RORA: variants seen among roughly 807,000 people sequenced by gnomAD.
RORA encodes the protein nuclear receptor ROR-alpha.
Under a neutral mutation model 69.5 loss-of-function variants are expected in RORA, and 7 were observed. The ratio of observed to expected loss-of-function variants is 0.10; its 90% CI spans 0.06 to 0.19. RORA has a LOEUF of 0.19. RORA is among the 10% of genes least tolerant of loss of function. RORA has a pLI of 1.00. For synonymous variants in RORA, 261 were observed against 240.8 expected, an observed-to-expected ratio of 1.08 and a Z score of -0.78; for missense variants, 457 against 663.0, an observed-to-expected ratio of 0.69 and a Z score of 3.41.
chr15:60,873,055 T>C (rs562957615), intron 1 of RORA, among the ~76,000 whole-genome samples: 3 of 152,242 alleles, frequency 2.0e-5, no homozygotes, highest in African/African-American at 7.2e-5. Flanking sequence ...AAGTGCCGAG[T>C]CTATAAAGAT....
intron 1 of RORA, among the ~76,000 whole-genome samples, chr15:61,138,445 C>T (rs1052190081): frequency 6.6e-6 from 1 of 152,164 alleles, no homozygotes; most frequent in Non-Finnish European, 1.5e-5. Context: ...TGTTGGCCGT[C>T]ATTACTCCCC....
intron 1 of RORA, among the ~76,000 whole-genome samples, chr15:60,713,146 T>A (rs12324871): frequency 0.33 from 50,068 of 152,082 alleles, 8,741 homozygotes; most frequent in African/African-American, 0.41. Flanking sequence ...TAATATAATC[T>A]TCTTCCAAAA....
intron 1 of RORA, among the ~76,000 whole-genome samples, chr15:60,915,771 C>T (rs1238969879): frequency 6.6e-6 from 1 of 152,112 alleles, no homozygotes; most frequent in Admixed American, 6.5e-5. Context: ...CTAGCTCGCT[C>T]GAATGTGGGT....
chr15:60,551,730 T>C (rs558232607), intron 2 of RORA, among the ~76,000 whole-genome samples: 1 of 152,302 alleles, frequency 6.6e-6, no homozygotes, highest in South Asian at 2.1e-4. Context: ...GCCAGGTCCA[T>C]AAAGACCTCT....
At chr15:60,892,676 C>T (rs944647384) in intron 1 of RORA, among the ~76,000 whole-genome samples, 4 of 152,154 alleles carry the variant, frequency 2.6e-5, no homozygotes, top group African/African-American at 7.2e-5. Flanking sequence ...CCAACTTCAT[C>T]CTTCACTCCT....
chr15:60,509,793 G>GA (rs10630931), intron 5 of RORA, among the ~76,000 whole-genome samples: 114,065 of 144,922 alleles, frequency 0.79, 46,856 homozygotes, highest in East Asian at 0.94. Context: ...TCTAGTTCAA[G>GA]AAAAAAAAAA....
chr15:60,831,937 A>G (rs2073048003), intron 1 of RORA, among the ~76,000 whole-genome samples: 5 of 152,214 alleles, frequency 3.3e-5, no homozygotes. Flanking sequence ...CTAATATGGT[A>G]GGAGGTACAC....
rs542975056 is a variant in RORA, at chr15:61,082,559, G to C, written c.166+146494C>G. 2.0e-5 allele frequency among the ~76,000 whole-genome samples: 3 copies of C among 152,270 alleles called. No homozygotes were observed. The East Asian group carries it at 5.8e-4, about 29-fold the overall frequency. The stretch of plus-strand genomic sequence containing the variant: ...GCAGGATGCAAAACCTGCCCCTACA[G>C]AGGAGTGACATTTTGTAAACGTGGG... On this transcript the variant is annotated intron_variant, in intron 1 of 10. Transcript: ENST00000335670.
intron 1 of RORA, among the ~76,000 whole-genome samples, chr15:61,169,084 G>C (rs1224261508): frequency 1.3e-5 from 2 of 150,276 alleles, no homozygotes; most frequent in Admixed American, 6.6e-5. Context: ...CCCCCTGCCA[G>C]AGCATAAGAA....
intron 2 of RORA, among the ~76,000 whole-genome samples, chr15:60,610,571 T>C (rs539606225): frequency 6.6e-6 from 1 of 152,112 alleles, no homozygotes; most frequent in South Asian, 2.1e-4. Context: ...ATAAGTGAGA[T>C]GAAATAAATG....
intron 2 of RORA, among the ~76,000 whole-genome samples, chr15:60,559,840 C>T (rs1595974493): frequency 6.6e-6 from 1 of 152,254 alleles, no homozygotes; most frequent in East Asian, 1.9e-4. Flanking sequence ...TTTACCTAAG[C>T]GAGGCCAGTT....
chr15:61,059,094 G>A (rs1210784097), intron 1 of RORA, among the ~76,000 whole-genome samples: 1 of 152,188 alleles, frequency 6.6e-6, no homozygotes, highest in African/African-American at 2.4e-5. Context: ...TCCTCCTAAT[G>A]TCTATCAGTC....
chr15:60,649,610 G>C (rs1250756818), intron 2 of RORA, among the ~76,000 whole-genome samples: 1 of 152,160 alleles, frequency 6.6e-6, no homozygotes, highest in African/African-American at 2.4e-5. Flanking sequence ...CCAAAAGGAA[G>C]GGCCCCTCTA....
chr15:60,899,925 C>A (rs572164496), intron 1 of RORA, among the ~76,000 whole-genome samples: 36 of 152,322 alleles, frequency 2.4e-4, no homozygotes, highest in Non-Finnish European at 4.4e-4. Context: ...GTCATGCTAG[C>A]TTCTATTCCA....
At chr15:60,656,759 G>A (rs545702770) in intron 2 of RORA, among the ~76,000 whole-genome samples, 2 of 152,228 alleles carry the variant, frequency 1.3e-5, no homozygotes, top group Admixed American at 6.5e-5. Flanking sequence ...AATCAAATAA[G>A]GCCCTGAGTT....
At chr15:60,765,731 C>T (rs1051120681) in intron 1 of RORA, 7 of 152,114 alleles carry the variant, frequency 4.6e-5, no homozygotes, top group African/African-American at 1.4e-4. Flanking sequence ...TAAACAAGAC[C>T]TCTGTGGACC....
At chr15:60,977,181 C>A (rs1319400685) in intron 1 of RORA, among the ~76,000 whole-genome samples, 5 of 150,250 alleles carry the variant, frequency 3.3e-5, no homozygotes, top group Non-Finnish European at 7.4e-5. Flanking sequence ...TCCAAGATCA[C>A]AGTGACTCAA....
chr15:61,136,933 G>A (rs1397868043), intron 1 of RORA, among the ~76,000 whole-genome samples: 1 of 151,516 alleles, frequency 6.6e-6, no homozygotes, highest in Non-Finnish European at 1.5e-5. Flanking sequence ...TGCTCTTTTG[G>A]CATCCACTCA....
At chr15:60,916,523 T>C (rs1394512237) in intron 1 of RORA, among the ~76,000 whole-genome samples, 1 of 152,210 alleles carries the variant, frequency 6.6e-6, no homozygotes, top group African/African-American at 2.4e-5. Flanking sequence ...TGCCCCGAAA[T>C]ATGCCAATTC....
Sources: allele counts gnomAD v4.1 joint callset (sites outside exome capture counted in the v4.1 genomes callset), GRCh38; gene constraint gnomAD v4.1.1; transcripts MANE v1.5; gene names NCBI Gene and HGNC (gene_info 2026-07-23, HGNC 2026-07-21).